KIDINS220: variants seen among roughly 807,000 people sequenced by gnomAD.
The protein encoded by KIDINS220 is kinase D-interacting substrate of 220 kDa.
KIDINS220 carries 63 observed loss-of-function variants against 157.6 expected under a neutral mutation model. That is an observed-to-expected ratio of 0.40 (90% CI 0.33 to 0.49). The LOEUF (loss-of-function observed/expected upper bound fraction) is 0.49. Ranked by LOEUF, KIDINS220 falls within the 20% of genes least tolerant of loss-of-function variation. KIDINS220 has a pLI of 0.66. For synonymous variants in KIDINS220, 732 were observed against 783.6 expected (o/e 0.93, Z 1.10); for missense variants, 1,772 against 2,171.2 (o/e 0.82, Z 3.65).
Position 8,730,293 on chromosome 2 carries a change from G to A in KIDINS220, c.*427C>T. On this transcript the variant is annotated 3_prime_UTR_variant, in exon 30 of 30. Transcript: ENST00000256707. The stretch of plus-strand genomic sequence containing the variant: ...CACCTAGGTGAGCCCCTAAGAGCAG[G>A]GTTTGCTTCTGCTTCACCTAACGCC... 4 of 1,002,016 alleles carry A rather than the reference G, an allele frequency of 4.0e-6. No homozygotes were observed. The highest frequency in any genetic ancestry group is 3.6e-6 in the Non-Finnish European group (3 of 840,772). 62.1% of individuals were successfully genotyped at this position (1,002,016 alleles called of 1,614,324 possible). A position where few individuals can be genotyped will look rare whatever the true frequency, so the allele number is the denominator to read the frequency against.
chr2:8,776,878 T>C lies in KIDINS220; in HGVS notation c.2718A>G (p.Arg906=), dbSNP rs1026594583. 1 of 1,613,680 alleles carries C rather than the reference T, an allele frequency of 6.2e-7. No homozygotes were observed. Among genetic ancestry groups the C allele is most frequent in the Non-Finnish European group, 8.5e-7 (1 of 1,179,868 alleles). ...GAGTGATGGTCCTCTGCATCTGCCT[T>C]CTTCGGTAAGTGTCCTGAAACAGCA... ...TALNRRDTYR[R]RQMQRTITRQ... is the part of the protein sequence containing the mutation. Residue 906 remains arginine, a synonymous_variant, in exon 21 of 30, where the codon AGA becomes AGG. Transcript: ENST00000256707.
chr2:8,782,253 C>A (rs1466607385), intron 17 of KIDINS220, among the ~76,000 whole-genome samples: 1 of 151,722 alleles, frequency 6.6e-6, no homozygotes, highest in African/African-American at 2.4e-5. Context: ...AACAATGAAA[C>A]CAAAAGCTAG....
chr2:8,737,174 A>G, intron 26 of KIDINS220, 175 bp from the exon 27 acceptor site: 1 of 599,664 alleles, frequency 1.7e-6, no homozygotes, highest in East Asian at 2.9e-5. Flanking sequence ...TACTGTTATA[A>G]CCTAATGAGT....
At position 8,769,277 on chromosome 2, in the gene KIDINS220, C is replaced by T. The variant is rs151323956; in HGVS notation, c.3011+1393G>A. Among the ~76,000 whole-genome samples the T allele has an allele frequency of 7.4e-3, 1,129 of 152,282 alleles. 15 individuals are homozygous for T. The highest frequency in any genetic ancestry group is 7.7e-3 in the Non-Finnish European group (523 of 68,024). On this transcript the variant is annotated intron_variant, in intron 22 of 29. Transcript: ENST00000256707. Reference sequence around the variant, plus strand: ...GACCCATGTGAGATAACTAGTTCTCCTGTGCCCAAGTTTACAAATTTCTTG... The same window carrying T: ...GACCCATGTGAGATAACTAGTTCTCTTGTGCCCAAGTTTACAAATTTCTTG...
In KIDINS220 at chr2:8,731,685, G is replaced by A; in HGVS notation, c.4351C>T (p.Leu1451=). ...PKPDDGRKSF[L]MKRGDVIDYS... is the part of the protein sequence containing the mutation. ...TCGATAACATCTCCCCTCTTCATTA[G>A]AAAGGACTTCCTCCCATCATCGGGC... is the stretch of plus-strand genomic sequence containing the variant. The change falls in exon 30 of 30, where the codon CTA becomes TTA. Residue 1451 remains leucine, a synonymous_variant. Coordinates refer to ENST00000256707, the MANE Select transcript of KIDINS220 (RefSeq NM_020738.4). The surrounding 1 kb of genome is among the most constrained non-coding windows in gnomAD (Gnocchi z 5.2). 6.2e-7 allele frequency: 1 copy of A among 1,614,192 alleles called. No homozygotes were observed. Among genetic ancestry groups the A allele is most frequent in the South Asian group, 1.1e-5 (1 of 91,084 alleles).
chr2:8,796,688 A>T (rs1673981520), intron 11 of KIDINS220, 83 bp downstream of exon 11: 9 of 1,028,562 alleles, frequency 8.8e-6, no homozygotes. Flanking sequence ...ACCTAAAATC[A>T]GATCCCCATT....
intron 22 of KIDINS220, among the ~76,000 whole-genome samples, chr2:8,766,242 C>A (rs1669474249): frequency 6.6e-6 from 1 of 152,172 alleles, no homozygotes; most frequent in East Asian, 1.9e-4. Context: ...TCCCTTGTTG[C>A]TGTTCCTTCA....
At chr2:8,778,345 A>G (rs1251946689) in intron 20 of KIDINS220, among the ~76,000 whole-genome samples, 2 of 152,144 alleles carry the variant, frequency 1.3e-5, no homozygotes, top group Non-Finnish European at 2.9e-5. Flanking sequence ...ACCAGGAATG[A>G]ATAGAGTGGT....
chr2:8,833,161 C>T (rs997780123), intron 1 of KIDINS220, among the ~76,000 whole-genome samples: 3 of 152,204 alleles, frequency 2.0e-5, no homozygotes, highest in Admixed American at 6.5e-5. Flanking sequence ...TTCTACCTAA[C>T]TGTATGTCTG....
At position 8,786,256 on chromosome 2, in the gene KIDINS220, CCAAA is replaced by C; in HGVS notation, c.1885_1888del (p.Phe629AlafsTer58). ...TCGAAAAAGCCTGGTTGCCAAAAAGCCAAACTCTCTTTCACAAGCATCCGAGAGG... is the reference window on the plus strand; with the variant it reads ...TCGAAAAAGCCTGGTTGCCAAAAAGCCTCTCTTTCACAAGCATCCGAGAGG... On this transcript the variant is annotated frameshift_variant, in exon 16 of 30. Transcript: ENST00000256707. LOFTEE classifies it high-confidence loss of function. 1 of 1,614,120 alleles carries C rather than the reference CCAAA, an allele frequency of 6.2e-7. No homozygotes were observed. Among genetic ancestry groups the C allele is most frequent in the Non-Finnish European group, 8.5e-7 (1 of 1,180,008 alleles).
intron 27 of KIDINS220, among the ~76,000 whole-genome samples, chr2:8,735,450 T>G (rs1664734088): frequency 6.6e-6 from 1 of 152,086 alleles, no homozygotes; most frequent in Non-Finnish European, 1.5e-5. Flanking sequence ...GAGGATCGCT[T>G]GCACCCAGGA....
chr2:8,835,172 T>C (rs189637406), intron 1 of KIDINS220, among the ~76,000 whole-genome samples: 2 of 152,316 alleles, frequency 1.3e-5, no homozygotes, highest in African/African-American at 4.8e-5. Flanking sequence ...TTAAGGGCTG[T>C]CTCTCTCCTT....
intron 21 of KIDINS220, among the ~76,000 whole-genome samples, chr2:8,773,574 G>A (rs1670529045): frequency 6.6e-6 from 1 of 151,834 alleles, no homozygotes; most frequent in African/African-American, 2.4e-5. Flanking sequence ...CTGGGTTCAA[G>A]CAATTCTCCT....
chr2:8,818,290 G>C (rs774941527), intron 3 of KIDINS220, among the ~76,000 whole-genome samples: 1 of 152,100 alleles, frequency 6.6e-6, no homozygotes, highest in Non-Finnish European at 1.5e-5. Context: ...AAATGTAACC[G>C]TGTGGAATGT....
chr2:8,798,444 G>T, intron 9 of KIDINS220, 144 bp from the exon 10 acceptor site: 1 of 582,242 alleles, frequency 1.7e-6, no homozygotes, highest in Non-Finnish European at 3.0e-6. Flanking sequence ...CTATCTTGGA[G>T]TTACTTTTGA....
At chr2:8,749,876 G>A (rs1263015441) in intron 24 of KIDINS220, among the ~76,000 whole-genome samples, 1 of 151,738 alleles carries the variant, frequency 6.6e-6, no homozygotes, top group Non-Finnish European at 1.5e-5. Flanking sequence ...TACTTATCAA[G>A]AAACTAAATA....
At chr2:8,778,446 C>A (rs1671260832) in intron 20 of KIDINS220, among the ~76,000 whole-genome samples, 193 bp downstream of exon 20, 1 of 152,114 alleles carries the variant, frequency 6.6e-6, no homozygotes, top group Admixed American at 6.5e-5. Context: ...GACCCCTATA[C>A]GAAGTACAGT....
intron 22 of KIDINS220, among the ~76,000 whole-genome samples, chr2:8,753,124 A>G (rs1454143021): frequency 6.6e-6 from 1 of 152,208 alleles, no homozygotes. Context: ...AAGTTAAAAG[A>G]CAAGAGGTAG....
intron 22 of KIDINS220, among the ~76,000 whole-genome samples, chr2:8,768,493 A>G (rs1217235464): frequency 6.6e-6 from 1 of 152,220 alleles, no homozygotes; most frequent in African/African-American, 2.4e-5. Context: ...CCAAACACCA[A>G]GAACCAACAT....
Sources: gnomAD v4.1 joint callset for allele counts (sites outside exome capture counted in the v4.1 genomes callset) on GRCh38, gnomAD v4.1.1 for gene constraint, Gnocchi (gnomAD v3.1) non-coding constraint, MANE v1.5 for transcripts, NCBI Gene and HGNC (gene_info 2026-07-23, HGNC 2026-07-21) for gene names.